LRRFIP1: variants seen among roughly 807,000 people sequenced by gnomAD.
The protein encoded by LRRFIP1 is leucine-rich repeat flightless-interacting protein 1.
Under a neutral mutation model 104.4 loss-of-function variants are expected in LRRFIP1, and 62 were observed. The observed-to-expected ratio is 0.59, with a 90% CI of 0.48 to 0.73. The LOEUF (loss-of-function observed/expected upper bound fraction) is 0.73, where lower values mean the gene tolerates loss of function less well. Among genes scored for constraint, LRRFIP1 ranks in the 30% least tolerant of loss-of-function variants. LRRFIP1 has a pLI of 0.00. For missense variants in LRRFIP1, 796 were observed against 824.5 expected, an observed-to-expected ratio of 0.97 and a Z score of 0.42; for synonymous variants, 300 against 299.0, an observed-to-expected ratio of 1.00 and a Z score of -0.03.
chr2:237,667,518 C>T (rs13387157), intron 1 of LRRFIP1, among the ~76,000 whole-genome samples: 3,894 of 152,226 alleles, frequency 0.026, 169 homozygotes, highest in African/African-American at 0.087. Flanking sequence ...AGTAAACATA[C>T]GTGTGCACAT....
chr2:237,716,327 T>C (rs1466430755), intron 3 of LRRFIP1, among the ~76,000 whole-genome samples: 1 of 152,254 alleles, frequency 6.6e-6, no homozygotes, highest in Non-Finnish European at 1.5e-5. Context: ...CTTTCTGAAT[T>C]TATATTCCAA....
chr2:237,708,499 G>C (rs199967104), intron 1 of LRRFIP1, 45 bp from the exon 2 acceptor site: 13 of 1,441,400 alleles, frequency 9.0e-6, no homozygotes, highest in Non-Finnish European at 1.1e-5. Flanking sequence ...TACTGGGAAG[G>C]TGCCCGCTGC....
intron 1 of LRRFIP1, among the ~76,000 whole-genome samples, chr2:237,639,617 A>G (rs561984312): frequency 5.3e-5 from 8 of 152,304 alleles, no homozygotes; most frequent in South Asian, 2.1e-4. Context: ...CTTAGAAGCT[A>G]CTAAATTACC....
intron 1 of LRRFIP1, among the ~76,000 whole-genome samples, chr2:237,663,442 G>A (rs1464686767): frequency 6.6e-6 from 1 of 151,882 alleles, no homozygotes; most frequent in Admixed American, 6.6e-5. Flanking sequence ...CCCCCATCCC[G>A]CCATGTGAGG....
intron 1 of LRRFIP1, among the ~76,000 whole-genome samples, chr2:237,666,118 A>T (rs1190112112): frequency 6.6e-6 from 1 of 152,248 alleles, no homozygotes; most frequent in Non-Finnish European, 1.5e-5. Context: ...CTTCCTTGGA[A>T]AAATGGGTCT....
At chr2:237,698,040 G>A (rs1575577562) in intron 1 of LRRFIP1, among the ~76,000 whole-genome samples, 1 of 152,310 alleles carries the variant, frequency 6.6e-6, no homozygotes, top group Non-Finnish European at 1.5e-5. Flanking sequence ...GTGTTGTGAG[G>A]TTTGAATAGG....
chr2:237,632,278 C>T (rs184430668), intron 1 of LRRFIP1, among the ~76,000 whole-genome samples: 11 of 152,352 alleles, frequency 7.2e-5, no homozygotes, highest in Non-Finnish European at 1.5e-4. Context: ...ATCAAGTAAC[C>T]ATTTTGTGAG....
intron 14 of LRRFIP1, among the ~76,000 whole-genome samples, chr2:237,751,995 A>G (rs967659007): frequency 6.6e-6 from 1 of 152,210 alleles, no homozygotes; most frequent in Non-Finnish European, 1.5e-5. Flanking sequence ...TTTGAATTTA[A>G]TATCAAAGGG....
intron 5 of LRRFIP1, among the ~76,000 whole-genome samples, chr2:237,719,896 T>C (rs957333292): frequency 1.3e-5 from 2 of 151,960 alleles, no homozygotes; most frequent in Non-Finnish European, 2.9e-5. Flanking sequence ...ATGCTGTGTA[T>C]TTATATTACC....
At chr2:237,749,893 G>T (rs1205308621) in intron 13 of LRRFIP1, among the ~76,000 whole-genome samples, 2 of 152,148 alleles carry the variant, frequency 1.3e-5, no homozygotes, top group African/African-American at 4.8e-5. Context: ...GTAGTATTCT[G>T]TGTGTGAAAG....
chr2:237,733,440 CTGT>C (rs2095102692), intron 8 of LRRFIP1, among the ~76,000 whole-genome samples: 1 of 152,198 alleles, frequency 6.6e-6, no homozygotes, highest in Non-Finnish European at 1.5e-5. Context: ...GGTTTTGTTG[CTGT>C]TGTTGTGTTG....
chr2:237,745,389 T>C (rs1475285047), intron 11 of LRRFIP1, among the ~76,000 whole-genome samples: 2 of 152,272 alleles, frequency 1.3e-5, no homozygotes, highest in Non-Finnish European at 2.9e-5. Flanking sequence ...AGTTTTTCTC[T>C]GCATGGTCTC....
intron 11 of LRRFIP1, among the ~76,000 whole-genome samples, chr2:237,743,854 G>T (rs1415741644): frequency 1.3e-5 from 2 of 152,130 alleles, no homozygotes; most frequent in African/African-American, 4.8e-5. Flanking sequence ...TCCACCTAGT[G>T]AAGCCAACAG....
rs1337167351 is a variant in LRRFIP1, at chr2:237,765,806, A to T, written c.1460-4137A>T. ...ACATTTTATGAAATTATGTGGATTC[A>T]TATTACTGTTACAAGATAGAATTGA... On this transcript the variant is annotated intron_variant, in intron 19 of 23. Coordinates refer to ENST00000308482, the MANE Select transcript of LRRFIP1 (RefSeq NM_001137550.2). 5.2e-6 allele frequency: 5 copies of T among 965,688 alleles called. No individual in the cohort carries two copies. In the African/African-American group the frequency reaches 8.8e-5, roughly 17 times the overall value. 59.8% of individuals were successfully genotyped at this position (965,688 alleles called of 1,614,324 possible).
chr2:237,680,407 T>C (rs1265556867), intron 1 of LRRFIP1, among the ~76,000 whole-genome samples: 1 of 152,236 alleles, frequency 6.6e-6, no homozygotes, highest in Non-Finnish European at 1.5e-5. Context: ...TTCTTGTCAT[T>C]ATTCTCTAAA....
chr2:237,694,867 T>C (rs2093062288), intron 1 of LRRFIP1, among the ~76,000 whole-genome samples: 1 of 152,260 alleles, frequency 6.6e-6, no homozygotes, highest in South Asian at 2.1e-4. Context: ...CCCCGCTCTC[T>C]TTCCACATAC....
In LRRFIP1 at chr2:237,779,458, G is replaced by A. The variant is rs2061365143; in HGVS notation, c.1849G>A (p.Val617Met). Residue 617 changes from valine to methionine, a missense_variant, in exon 24 of 24, where the codon GTG becomes ATG. Coordinates refer to ENST00000308482, the MANE Select transcript of LRRFIP1 (RefSeq NM_001137550.2). Reference sequence around the variant, plus strand: ...ATTGGATAAAACAGAAGAGCTCGAGGTGAGCAACGGCCACTTAGTGAAGCG... The same window carrying A: ...ATTGGATAAAACAGAAGAGCTCGAGATGAGCAACGGCCACTTAGTGAAGCG... ...SALDKTEELE[V>M]SNGHLVKRLE... 2 of 1,613,740 alleles carry A rather than the reference G, an allele frequency of 1.2e-6. No individual in the cohort carries two copies. The highest frequency in any genetic ancestry group is 1.7e-5 in the Admixed American group (1 of 60,004).
In LRRFIP1 at chr2:237,703,457, T is replaced by C. The variant is rs2093641020; in HGVS notation, c.97-5087T>C. On this transcript the variant is annotated intron_variant, in intron 1 of 23. Coordinates refer to ENST00000308482, the MANE Select transcript of LRRFIP1 (RefSeq NM_001137550.2). This position sits in a 1 kb window ranked among gnomAD's most constrained non-coding sequence, Gnocchi z 4.3. ...CCGCTGTGTTCTTAAAACCCTTCAG[T>C]GGTTCTGAATTCTTTCAAGACGAGG... 6.6e-6 allele frequency among the ~76,000 whole-genome samples: 1 copy of C among 152,116 alleles called. No individual in the cohort carries two copies. Among genetic ancestry groups the C allele is most frequent in the Admixed American group, 6.6e-5 (1 of 15,266 alleles).
At chr2:237,635,823 G>C (rs1247363483) in intron 1 of LRRFIP1, among the ~76,000 whole-genome samples, 1 of 152,108 alleles carries the variant, frequency 6.6e-6, no homozygotes, top group Non-Finnish European at 1.5e-5. Flanking sequence ...AAGTGAGTGG[G>C]TGTGGTGGCT....
Sources: allele counts gnomAD v4.1 joint callset (sites outside exome capture counted in the v4.1 genomes callset), GRCh38; gene constraint gnomAD v4.1.1; non-coding constraint Gnocchi (gnomAD v3.1); transcripts MANE v1.5; gene names NCBI Gene and HGNC (gene_info 2026-07-23, HGNC 2026-07-21).